The following PIK3C2G variants were observed in gnomAD, a reference collection of about 807,000 sequenced individuals.
The protein encoded by PIK3C2G is phosphatidylinositol 3-kinase C2 domain-containing subunit gamma.
In PIK3C2G, 168 loss-of-function variants were observed where a neutral mutation model predicts 181.1. The observed-to-expected ratio is 0.93, with a 90% CI of 0.82 to 1.05. The LOEUF (loss-of-function observed/expected upper bound fraction) is 1.05, where lower values mean the gene tolerates loss of function less well. Ranked by LOEUF, PIK3C2G falls within the 50% of genes least tolerant of loss-of-function variation. The probability of loss-of-function intolerance (pLI) is 0.00; values close to 1 mark genes in which losing one functional copy is unlikely to be tolerated. For synonymous variants in PIK3C2G, 573 were observed against 592.2 expected (o/e 0.97, Z 0.47); for missense variants, 1,869 against 1,732.8 (o/e 1.08, Z -1.40).
At chr12:18,267,761 G>A (rs1336768568) in intron 1 of PIK3C2G, among the ~76,000 whole-genome samples, 2 of 152,148 alleles carry the variant, frequency 1.3e-5, no homozygotes, top group Non-Finnish European at 2.9e-5. Context: ...GAAGGTATAC[G>A]TATCTAGGTA....
chr12:18,651,285 C>T (rs1950504897), downstream of PIK3C2G, among the ~76,000 whole-genome samples: 1 of 152,054 alleles, frequency 6.6e-6, no homozygotes, highest in Non-Finnish European at 1.5e-5. Flanking sequence ...AAATCCTGCT[C>T]AGATGTCTCC....
intron 14 of PIK3C2G, among the ~76,000 whole-genome samples, chr12:18,383,034 T>C (rs111430093): frequency 3.5e-4 from 54 of 152,300 alleles, no homozygotes; most frequent in African/African-American, 1.3e-3. Context: ...CTTGGCACAA[T>C]ATCATAGACA....
intron 11 of PIK3C2G, among the ~76,000 whole-genome samples, chr12:18,358,091 C>T (rs960985431): frequency 6.6e-6 from 1 of 152,146 alleles, no homozygotes; most frequent in African/African-American, 2.4e-5. Flanking sequence ...GATCTTAATT[C>T]AGTTCTTTTG....
chr12:18,319,096 A>G (rs1394754206), intron 6 of PIK3C2G, among the ~76,000 whole-genome samples: 6 of 152,138 alleles, frequency 3.9e-5, no homozygotes, highest in African/African-American at 1.4e-4. Context: ...AAAAAAAATA[A>G]ATAAATAATA....
intron 24 of PIK3C2G, among the ~76,000 whole-genome samples, chr12:18,533,786 C>T (rs561032903): frequency 6.6e-6 from 1 of 151,940 alleles, no homozygotes; most frequent in Non-Finnish European, 1.5e-5. Flanking sequence ...TACCCTAAAA[C>T]TCTACATATC....
intron 11 of PIK3C2G, among the ~76,000 whole-genome samples, chr12:18,359,430 G>A (rs1484021006): frequency 6.6e-6 from 1 of 152,200 alleles, no homozygotes; most frequent in Non-Finnish European, 1.5e-5. Flanking sequence ...GGAATGTTCT[G>A]TATATATCTG....
intron 18 of PIK3C2G, among the ~76,000 whole-genome samples, chr12:18,480,929 A>AT (rs1164878816): frequency 6.6e-6 from 1 of 151,540 alleles, no homozygotes; most frequent in Non-Finnish European, 1.5e-5. Flanking sequence ...TTATTTTTTT[A>AT]TTTTTTTATT....
the PIK3C2G span, among the ~76,000 whole-genome samples, chr12:18,655,022 G>A: frequency 5.4e-5 from 8 of 149,360 alleles, no homozygotes; most frequent in African/African-American, 1.5e-4. Context: ...AAACCCAGCC[G>A]AAACAGTCTT....
chr12:18,534,310 A>G (rs556428957), intron 24 of PIK3C2G, among the ~76,000 whole-genome samples: 10 of 152,222 alleles, frequency 6.6e-5, no homozygotes, highest in East Asian at 1.9e-4. Flanking sequence ...TATCCGTAAT[A>G]TAAGTGTTCT....
intron 11 of PIK3C2G, among the ~76,000 whole-genome samples, chr12:18,360,169 T>C (rs1329943143): frequency 6.6e-6 from 1 of 152,136 alleles, no homozygotes; most frequent in Non-Finnish European, 1.5e-5. Flanking sequence ...TCCATAAGTT[T>C]CATTTTGTGT....
intron 31 of PIK3C2G, among the ~76,000 whole-genome samples, chr12:18,618,900 G>C (rs1565568480): frequency 6.6e-6 from 1 of 152,010 alleles, no homozygotes; most frequent in African/African-American, 2.4e-5. Flanking sequence ...CCAAGCTACA[G>C]AACGTAGAGG....
At chr12:18,503,811 T>G (rs1473650590) in intron 23 of PIK3C2G, among the ~76,000 whole-genome samples, 1 of 152,242 alleles carries the variant, frequency 6.6e-6, no homozygotes, top group South Asian at 2.1e-4. Flanking sequence ...CTTAATGGTT[T>G]GCAAAATGCA....
chr12:18,515,816 T>C (rs11044154), intron 24 of PIK3C2G, among the ~76,000 whole-genome samples: 24,319 of 151,920 alleles, frequency 0.16, 2,426 homozygotes, highest in South Asian at 0.37. Flanking sequence ...GTTTTTTAAA[T>C]ATCTTTCTAT....
At chr12:18,292,734 A>T (rs1377022869) in intron 4 of PIK3C2G, among the ~76,000 whole-genome samples, 1 of 152,196 alleles carries the variant, frequency 6.6e-6, no homozygotes, top group Non-Finnish European at 1.5e-5. Context: ...GGAGAGAGAG[A>T]GTAGATATTC....
the PIK3C2G span, among the ~76,000 whole-genome samples, chr12:18,669,624 C>T: frequency 6.6e-6 from 1 of 151,862 alleles, no homozygotes; most frequent in Non-Finnish European, 1.5e-5. Flanking sequence ...CAGCTGAATC[C>T]TCACATGGCA....
intron 11 of PIK3C2G, among the ~76,000 whole-genome samples, chr12:18,357,684 T>G (rs1226283998): frequency 6.6e-6 from 1 of 152,136 alleles, no homozygotes; most frequent in Admixed American, 6.5e-5. Context: ...ACTAAAAAAG[T>G]TTAATTGTAA....
chr12:18,255,962 CTTAT>C (rs1439651438), intron 1 of PIK3C2G, among the ~76,000 whole-genome samples: 5 of 48,706 alleles, frequency 1.0e-4, no homozygotes, highest in Non-Finnish European at 1.3e-4. Context: ...TCCCTTATTA[CTTAT>C]GGTTCCTATT....
At chr12:18,343,466 AACACACACACAC>A (rs61320852) in intron 10 of PIK3C2G, 106 bp downstream of exon 10, 1 of 494,794 alleles carries the variant, frequency 2.0e-6, no homozygotes, top group Admixed American at 3.6e-5. Context: ...GGTAACACAC[AACACACACACAC>A]ACACACACAC....
intron 18 of PIK3C2G, among the ~76,000 whole-genome samples, chr12:18,475,373 A>AACACACACACACACACAC (rs57853875): frequency 1.4e-5 from 2 of 139,834 alleles, no homozygotes; most frequent in Non-Finnish European, 3.1e-5. Context: ...CCACCACCCC[A>AACACACACACACACACAC]ACACACACAC....
Sources: gnomAD v4.1 joint callset for allele counts (sites outside exome capture counted in the v4.1 genomes callset) on GRCh38, gnomAD v4.1.1 for gene constraint, MANE v1.5 for transcripts, NCBI Gene and HGNC (gene_info 2026-07-23, HGNC 2026-07-21) for gene names.